Variants in ZNF25 observed in about 807,000 individuals in gnomAD.
ZNF25 encodes the protein zinc finger protein 25 (KOX 19).
ZNF25 carries 21 observed loss-of-function variants against 30.9 expected under a neutral mutation model. That is an observed-to-expected ratio of 0.68 (90% CI 0.48 to 0.98). The LOEUF (loss-of-function observed/expected upper bound fraction) is 0.98, where lower values mean the gene tolerates loss of function less well. Among genes scored for constraint, ZNF25 ranks in the 50% least tolerant of loss-of-function variants. ZNF25 has a pLI of 0.00. For synonymous variants in ZNF25, 169 were observed against 181.3 expected, an observed-to-expected ratio of 0.93 and a Z score of 0.55; for missense variants, 501 against 529.9, an observed-to-expected ratio of 0.95 and a Z score of 0.54.
At position 37,957,408 on chromosome 10, in the gene ZNF25, A is replaced by G. The variant is rs1443043785; in HGVS notation, c.142+12T>C. 3.7e-6 allele frequency: 6 copies of G among 1,609,684 alleles called. No individual in the cohort carries two copies. The East Asian group carries it at 1.3e-4, about 36-fold the overall frequency. The stretch of plus-strand genomic sequence containing the variant: ...AACTACTGGGATTTACACCTGGGGA[A>G]GTTTTCCTCACCCACTGAGACAAGG... On this transcript the variant is annotated intron_variant, in intron 3 of 5. Transcript: ENST00000302609.
In ZNF25 at chr10:37,962,295, T is replaced by C. The variant is rs559557299; in HGVS notation, c.16-4749A>G. ...TAAGAATAAGAACTTAATTCTCATA[T>C]AGCCTTAACAGGAAACTAGAAAATT... On this transcript the variant is annotated intron_variant, in intron 2 of 5. Transcript: ENST00000302609. 4.6e-5 allele frequency among the ~76,000 whole-genome samples: 7 copies of C among 150,970 alleles called. No individual in the cohort carries two copies. The East Asian group carries it at 1.2e-3, about 25-fold the overall frequency.
chr10:37,974,466 G>C (rs1181007275), intron 1 of ZNF25, among the ~76,000 whole-genome samples: 2 of 152,114 alleles, frequency 1.3e-5, no homozygotes, highest in Non-Finnish European at 2.9e-5. Flanking sequence ...GATCTGAACA[G>C]ACATTCCACA....
chr10:37,954,308 T>A (rs1047934117), intron 4 of ZNF25, among the ~76,000 whole-genome samples: 1 of 152,190 alleles, frequency 6.6e-6, no homozygotes, highest in African/African-American at 2.4e-5. Context: ...TCCACAGCAA[T>A]CTAGGTGTCA....
chr10:37,951,470 T>C lies in ZNF25; in HGVS notation c.*657A>G, dbSNP rs2062140615. ...CTTCATATATGTAGACATTTGCAGGTTTCCTTTTAAAATAGAGCAATCTCG... is the reference window on the plus strand; with the variant it reads ...CTTCATATATGTAGACATTTGCAGGCTTCCTTTTAAAATAGAGCAATCTCG... On this transcript the variant is annotated 3_prime_UTR_variant, in exon 6 of 6. Coordinates refer to ENST00000302609, the MANE Select transcript of ZNF25 (RefSeq NM_145011.4). The C allele has an allele frequency of 6.6e-6, 1 of 152,182 alleles. No individual in the cohort carries two copies. Among genetic ancestry groups the C allele is most frequent in the Non-Finnish European group, 1.5e-5 (1 of 68,044 alleles). The allele number at this position is 152,182 out of a possible 1,614,324, so 9.4% of individuals were successfully genotyped here. A position where few individuals can be genotyped will look rare whatever the true frequency, so the allele number is the denominator to read the frequency against.
intron 5 of ZNF25, 200 bp from the exon 6 acceptor site, chr10:37,953,395 G>C (rs545277255): frequency 1.6e-6 from 1 of 617,220 alleles, no homozygotes; most frequent in East Asian, 2.8e-5. Context: ...AGGTGAATCT[G>C]CATTTGCATT....
chr10:37,952,576 G>A lies in ZNF25; in HGVS notation c.922C>T (p.His308Tyr), dbSNP rs764234587. The A allele has an allele frequency of 6.2e-7, 1 of 1,613,792 alleles. No individual in the cohort carries two copies. Among genetic ancestry groups the A allele is most frequent in the Admixed American group, 1.7e-5 (1 of 59,978 alleles). Residue 308 changes from histidine (H) to tyrosine (Y), a missense_variant, in exon 6 of 6, where the codon CAC (histidine) becomes TAC (tyrosine). By Grantham distance (83) the His-to-Tyr change is moderately conservative. Coordinates refer to ENST00000302609, the MANE Select transcript of ZNF25 (RefSeq NM_145011.4). ...CATTCATAGGGTTTCTCTCCTGTGT[G>A]ACTTCTCTGATGAGTTTTGAGGTGT... is the stretch of plus-strand genomic sequence containing the variant. ...NSHLKTHQRS[H>Y]TGEKPYECKE...
At chr10:37,955,625 A>G (rs1321410636) in intron 4 of ZNF25, among the ~76,000 whole-genome samples, 1 of 152,170 alleles carries the variant, frequency 6.6e-6, no homozygotes, top group Non-Finnish European at 1.5e-5. Context: ...AGGAGTTAAT[A>G]AAAGGAACAG....
chr10:37,959,323 G>A (rs1590223009), intron 2 of ZNF25, among the ~76,000 whole-genome samples: 2 of 152,212 alleles, frequency 1.3e-5, no homozygotes, highest in Admixed American at 1.3e-4. Flanking sequence ...TTATATGAAA[G>A]CAACAGCAGT....
chr10:37,969,025 A>AGAT (rs1319166391), intron 2 of ZNF25, among the ~76,000 whole-genome samples: 1 of 152,154 alleles, frequency 6.6e-6, no homozygotes, highest in Non-Finnish European at 1.5e-5. Flanking sequence ...GCACAATAGA[A>AGAT]GATGTTCAGC....
chr10:37,957,797 C>G (rs2062624476), intron 2 of ZNF25, among the ~76,000 whole-genome samples: 1 of 152,126 alleles, frequency 6.6e-6, no homozygotes, highest in African/African-American at 2.4e-5. Flanking sequence ...TGTCATATGC[C>G]ACATAATGAC....
chr10:37,969,086 A>AC (rs1317022803), intron 2 of ZNF25, among the ~76,000 whole-genome samples: 25 of 151,608 alleles, frequency 1.6e-4, no homozygotes, highest in Non-Finnish European at 3.1e-4. Flanking sequence ...ATACCACTTC[A>AC]CCCCCCCACC....
Position 37,952,302 on chromosome 10 carries a change from G to A in ZNF25, c.1196C>T (p.Ala399Val). Residue 399 changes from alanine (A) to valine (V), a missense_variant, in exon 6 of 6, where the codon GCA becomes GTA. Ala to Val is a moderately conservative substitution (Grantham distance 64). Transcript: ENST00000302609. Reference sequence around the variant, plus strand: ...AAAGGACTTCCCACATTCCTTGCATGCATAGGGCTTCTCTCCTGTGTGAGT... The same window carrying A: ...AAAGGACTTCCCACATTCCTTGCATACATAGGGCTTCTCTCCTGTGTGAGT... ...QRTHTGEKPY[A>V]CKECGKSFSQ... 1 of 1,605,184 alleles carries A rather than the reference G, an allele frequency of 6.2e-7. No individual in the cohort carries two copies. The highest frequency in any genetic ancestry group is 1.1e-5 in the South Asian group (1 of 89,616).
chr10:37,955,130 C>T (rs370283377), intron 4 of ZNF25, among the ~76,000 whole-genome samples: 10 of 150,686 alleles, frequency 6.6e-5, no homozygotes, highest in African/African-American at 1.2e-4. Flanking sequence ...TGCCAGCCTG[C>T]GCAACAGAGT....
rs1379958269 is a variant in ZNF25 at position 37,957,063 on chromosome 10, C to A, written c.195G>T (p.Glu65Asp). 6.2e-7 allele frequency: 1 copy of A among 1,613,982 alleles called. No individual in the cohort carries two copies. The highest frequency in any genetic ancestry group is 8.5e-7 in the Non-Finnish European group (1 of 1,180,032). The change falls in exon 4 of 6, where the codon GAG becomes GAT. Residue 65 changes from glutamate (E) to aspartate (D), a missense_variant. Transcript: ENST00000302609. Reference sequence around the variant, plus strand: ...GAAATTCTACTTCTAATATCCATGGCTCTTTTCCTTGCTTCAACTTGAAGA... The same window carrying A: ...GAAATTCTACTTCTAATATCCATGGATCTTTTCCTTGCTTCAACTTGAAGA... ...NAVFKLKQGK[E>D]PWILEVEFPH...
At chr10:37,971,463 G>T (rs1443974270) in intron 2 of ZNF25, among the ~76,000 whole-genome samples, 1 of 152,104 alleles carries the variant, frequency 6.6e-6, no homozygotes, top group Non-Finnish European at 1.5e-5. Flanking sequence ...AGCACTCTGA[G>T]TCTCAACCTC....
intron 2 of ZNF25, among the ~76,000 whole-genome samples, chr10:37,967,165 T>C (rs905794081): frequency 3.3e-5 from 5 of 152,076 alleles, no homozygotes; most frequent in Non-Finnish European, 1.5e-5. Flanking sequence ...CCTATCAAAC[T>C]CCCAATGGCT....
At chr10:37,968,013 A>G (rs2063282223) in intron 2 of ZNF25, 2 of 152,256 alleles carry the variant, frequency 1.3e-5, no homozygotes, top group Non-Finnish European at 2.9e-5. Context: ...TTTGTGCATT[A>G]TAGAACATTG....
Position 37,973,282 on chromosome 10 carries a change from G to A in ZNF25, c.-85-1475C>T, listed in dbSNP as rs1279973818. ...CTACCAAAAAAACCCCAACACCTAG[G>A]AATAAATTTAACCAAAAATGTAAAA... On this transcript the variant is annotated intron_variant, in intron 1 of 5. Transcript: ENST00000302609. 2.6e-5 allele frequency among the ~76,000 whole-genome samples: 4 copies of A among 151,670 alleles called. No individual in the cohort carries two copies. The South Asian group carries it at 8.3e-4, about 32-fold the overall frequency.
At chr10:37,973,407 G>C (rs913159707) in intron 1 of ZNF25, among the ~76,000 whole-genome samples, 1 of 151,924 alleles carries the variant, frequency 6.6e-6, no homozygotes, top group Non-Finnish European at 1.5e-5. Flanking sequence ...CCTGAGGTCA[G>C]GAGTTCAAAA....
Sources: gnomAD v4.1 joint callset for allele counts (sites outside exome capture counted in the v4.1 genomes callset) on GRCh38, gnomAD v4.1.1 for gene constraint, MANE v1.5 for transcripts, NCBI Gene and HGNC (gene_info 2026-07-23, HGNC 2026-07-21) for gene names.